Variants in PARN observed in about 807,000 individuals in gnomAD.
PARN encodes the protein poly(A)-specific ribonuclease.
In PARN, 71 loss-of-function variants were observed where a neutral mutation model predicts 102.8. That is an observed-to-expected ratio of 0.69 (90% CI 0.57 to 0.84). The LOEUF (loss-of-function observed/expected upper bound fraction) is 0.84. Ranked by LOEUF, PARN falls within the 40% of genes least tolerant of loss-of-function variation. The pLI is 0.00. For synonymous variants in PARN, 261 were observed against 252.9 expected (o/e 1.03, Z -0.30); for missense variants, 782 against 760.9 (o/e 1.03, Z -0.33).
rs1488270875 is a variant in PARN, at chr16:14,627,146, G to A, written c.287C>T (p.Pro96Leu). 1 of 1,606,344 alleles carries A rather than the reference G, an allele frequency of 6.2e-7. No homozygotes were observed. Among genetic ancestry groups the A allele is most frequent in the South Asian group, 1.1e-5 (1 of 90,312 alleles). The part of the protein sequence containing the change: ...KSFNFYVFPK[P>L]FNRSSPDVKF... ...GACATCTGGTGAGGATCTATTGAAG[G>A]GTTTCGGGAAAACATAGAAGTTAAA... Residue 96 changes from proline to leucine, a missense_variant, in exon 5 of 24, where the codon CCC becomes CTC. Transcript: ENST00000437198.
At chr16:14,446,657 A>C (rs936463429) in intron 23 of PARN, among the ~76,000 whole-genome samples, 1 of 152,094 alleles carries the variant, frequency 6.6e-6, no homozygotes, top group African/African-American at 2.4e-5. Flanking sequence ...ACCAAAATAG[A>C]CTAGCCATCT....
At chr16:14,497,173 T>C (rs1964357870) in intron 21 of PARN, among the ~76,000 whole-genome samples, 1 of 152,142 alleles carries the variant, frequency 6.6e-6, no homozygotes. Context: ...CTCTTTTTTT[T>C]AAATGCTGGT....
At chr16:14,458,718 A>T (rs1276262159) in intron 22 of PARN, among the ~76,000 whole-genome samples, 7 of 152,202 alleles carry the variant, frequency 4.6e-5, no homozygotes, top group African/African-American at 1.7e-4. Flanking sequence ...GGTGATGAGG[A>T]CTGGAGCCAT....
At chr16:14,568,702 T>C (rs1052808052) in intron 18 of PARN, among the ~76,000 whole-genome samples, 4 of 151,418 alleles carry the variant, frequency 2.6e-5, no homozygotes, top group African/African-American at 9.7e-5. Flanking sequence ...AAGACTATCC[T>C]GTCCAACATG....
At chr16:14,532,080 A>G (rs1966369080) in intron 21 of PARN, among the ~76,000 whole-genome samples, 1 of 152,072 alleles carries the variant, frequency 6.6e-6, no homozygotes, top group African/African-American at 2.4e-5. Flanking sequence ...ATTAAATTAA[A>G]TTAAAATATA....
At chr16:14,551,556 G>A (rs972024006) in intron 21 of PARN, among the ~76,000 whole-genome samples, 10 of 152,068 alleles carry the variant, frequency 6.6e-5, no homozygotes, top group African/African-American at 2.4e-4. Context: ...GCGACAGAGC[G>A]AGACTATGTC....
chr16:14,537,699 G>C (rs1966668715), intron 21 of PARN, among the ~76,000 whole-genome samples: 2 of 152,144 alleles, frequency 1.3e-5, no homozygotes, highest in South Asian at 4.1e-4. Flanking sequence ...GCAAATGCAT[G>C]TTCTGATTCG....
intron 18 of PARN, among the ~76,000 whole-genome samples, chr16:14,575,432 T>C (rs903072799): frequency 6.6e-6 from 1 of 152,222 alleles, no homozygotes; most frequent in Non-Finnish European, 1.5e-5. Flanking sequence ...ACGTGAGACA[T>C]GGAGTCAAAG....
rs142397113 is a variant in PARN at position 14,444,410 on chromosome 16, A to C, written c.1864+2478T>G. On this transcript the variant is annotated intron_variant, in intron 23 of 23. Transcript: ENST00000437198. The stretch of plus-strand genomic sequence containing the variant: ...GCTTTACTGTCAATGGGAGGAAAAA[A>C]ACCCTTATTTTAATTACAGTATTAT... Among the ~76,000 whole-genome samples, 403 of 152,264 alleles carry C rather than the reference A, an allele frequency of 2.6e-3. 2 individuals carry two copies. The highest frequency in any genetic ancestry group is 2.7e-3 in the Non-Finnish European group (181 of 68,012).
chr16:14,465,364 T>C (rs1405985043), intron 22 of PARN, among the ~76,000 whole-genome samples: 1 of 152,224 alleles, frequency 6.6e-6, no homozygotes, highest in Admixed American at 6.5e-5. Flanking sequence ...ATTACAGGCG[T>C]GAGCCAATGC....
chr16:14,481,588 A>G (rs1164326508), intron 22 of PARN, among the ~76,000 whole-genome samples: 1 of 152,236 alleles, frequency 6.6e-6, no homozygotes, highest in East Asian at 1.9e-4. Flanking sequence ...AACTCTTTGA[A>G]CTAAACATTT....
At chr16:14,582,352 C>A in intron 16 of PARN, 61 bp from the exon 17 acceptor site, 1 of 1,069,810 alleles carries the variant, frequency 9.3e-7, no homozygotes. Flanking sequence ...ATTGCCCTAC[C>A]AATCAAAATT....
chr16:14,501,287 A>T (rs997410235), intron 21 of PARN, among the ~76,000 whole-genome samples: 4 of 123,590 alleles, frequency 3.2e-5, no homozygotes, highest in African/African-American at 1.6e-4. Context: ...AAAAACAAAC[A>T]AAAAAACAAT....
chr16:14,596,651 A>G (rs1970531380), intron 12 of PARN, among the ~76,000 whole-genome samples: 1 of 151,990 alleles, frequency 6.6e-6, no homozygotes, highest in Non-Finnish European at 1.5e-5. Context: ...GCTAAGGAGG[A>G]GGGAGGATCG....
chr16:14,587,745 T>G (rs577645153), intron 13 of PARN, among the ~76,000 whole-genome samples: 11 of 152,402 alleles, frequency 7.2e-5, no homozygotes, highest in Admixed American at 5.2e-4. Flanking sequence ...ATAAAGAAGT[T>G]AAGTTACTTA....
intron 18 of PARN, among the ~76,000 whole-genome samples, chr16:14,575,279 T>C (rs375071567): frequency 6.6e-6 from 1 of 152,084 alleles, no homozygotes; most frequent in Admixed American, 6.5e-5. Context: ...CACCAACAGC[T>C]TGCACCATGC....
At chr16:14,534,997 G>A (rs1966550072) in intron 21 of PARN, among the ~76,000 whole-genome samples, 1 of 152,016 alleles carries the variant, frequency 6.6e-6, no homozygotes, top group Admixed American at 6.6e-5. Flanking sequence ...ACCATGCCCG[G>A]CTAATTTTGT....
chr16:14,554,157 A>G lies in PARN; in HGVS notation c.1319-6T>C. 4 of 1,597,288 alleles carry G rather than the reference A, an allele frequency of 2.5e-6. No individual in the cohort carries two copies. Among genetic ancestry groups the G allele is most frequent in the Non-Finnish European group, 3.4e-6 (4 of 1,167,572 alleles). On this transcript the variant is annotated splice_polypyrimidine_tract_variant and splice_region_variant and intron_variant, in intron 19 of 23. Transcript: ENST00000437198. ...ATGATCACGTTTAGGCTGCACTACA[A>G]GACAAATTTATGATGAAATATTGAT...
chr16:14,597,306 T>C (rs959932640), intron 12 of PARN, among the ~76,000 whole-genome samples: 2 of 152,194 alleles, frequency 1.3e-5, no homozygotes, highest in African/African-American at 4.8e-5. Context: ...ATATAGTTAA[T>C]TTAACTATAA....
Sources: allele counts gnomAD v4.1 joint callset (sites outside exome capture counted in the v4.1 genomes callset), GRCh38; gene constraint gnomAD v4.1.1; transcripts MANE v1.5; gene names NCBI Gene and HGNC (gene_info 2026-07-23, HGNC 2026-07-21).